ETV6: variants seen among roughly 807,000 people sequenced by gnomAD.
ETV6 encodes the protein ETS variant transcription factor 6.
In ETV6, 16 loss-of-function variants were observed where a neutral mutation model predicts 51.1. That is an observed-to-expected ratio of 0.31 (90% CI 0.21 to 0.48). The LOEUF (loss-of-function observed/expected upper bound fraction) is 0.48. ETV6 is among the 20% of genes least tolerant of loss of function. The pLI is 0.99. For missense variants in ETV6, 458 were observed against 594.8 expected (o/e 0.77, Z 2.39); for synonymous variants, 240 against 224.1 (o/e 1.07, Z -0.64).
intron 4 of ETV6, among the ~76,000 whole-genome samples, chr12:11,860,358 G>A (rs2855707): frequency 0.4 from 60,104 of 151,874 alleles, 14,226 homozygotes; most frequent in South Asian, 0.59. Flanking sequence ...AGAGCATGCC[G>A]GCACGTATAT....
At chr12:11,769,518 A>T (rs766892498) in intron 2 of ETV6, among the ~76,000 whole-genome samples, 15 of 152,174 alleles carry the variant, frequency 9.9e-5, no homozygotes, top group Non-Finnish European at 1.6e-4. Flanking sequence ...CACGTGTAGC[A>T]AAATACTATG....
chr12:11,680,548 A>AT (rs1352904686), intron 1 of ETV6, among the ~76,000 whole-genome samples: 2 of 152,168 alleles, frequency 1.3e-5, no homozygotes, highest in African/African-American at 4.8e-5. Context: ...TAATACACTG[A>AT]TTTTCTTACA....
At chr12:11,655,510 T>A (rs1246166174) in intron 1 of ETV6, among the ~76,000 whole-genome samples, 3 of 152,304 alleles carry the variant, frequency 2.0e-5, no homozygotes, top group Admixed American at 6.5e-5. Flanking sequence ...TTTTATTGAT[T>A]TTCCAAACAT....
rs10845416 is a variant in ETV6, at chr12:11,884,244, G to A, written c.1010-201G>A. 0.19 allele frequency among the ~76,000 whole-genome samples: 28,495 copies of A among 152,052 alleles called. 3,408 individuals are homozygous for A. Among genetic ancestry groups the A allele is most frequent in the African/African-American group, 0.32 (13,406 of 41,414 alleles). ...CGCCTGGATCATCTCTGAGGCCTCC[G>A]GTGGGTCAAAGGTCACACAACAGGA... On this transcript the variant is annotated intron_variant, in intron 5 of 7. Coordinates refer to ENST00000396373, the MANE Select transcript of ETV6 (RefSeq NM_001987.5).
intron 5 of ETV6, among the ~76,000 whole-genome samples, chr12:11,880,676 G>A (rs1316726277): frequency 6.6e-6 from 1 of 152,226 alleles, no homozygotes; most frequent in East Asian, 1.9e-4. Context: ...AGTGCCTTCC[G>A]CCTAGAGTCA....
intron 1 of ETV6, among the ~76,000 whole-genome samples, chr12:11,660,096 A>G (rs1006490198): frequency 2.6e-5 from 4 of 152,236 alleles, no homozygotes; most frequent in Admixed American, 2.6e-4. Context: ...GTTTGAGGCA[A>G]TAGATATGCC....
chr12:11,653,036 C>T (rs911407688), intron 1 of ETV6, among the ~76,000 whole-genome samples: 2 of 152,002 alleles, frequency 1.3e-5, no homozygotes, highest in Admixed American at 6.5e-5. Context: ...CAGGAGTGCT[C>T]GAGCACTCCT....
intron 1 of ETV6, among the ~76,000 whole-genome samples, chr12:11,722,654 G>T (rs1865411090): frequency 6.6e-6 from 1 of 152,150 alleles, no homozygotes; most frequent in East Asian, 1.9e-4. Context: ...CTCCTAAAAT[G>T]AAGAGAATTG....
intron 3 of ETV6, among the ~76,000 whole-genome samples, chr12:11,851,239 T>C (rs1946548905): frequency 6.6e-6 from 1 of 152,008 alleles, no homozygotes; most frequent in Non-Finnish European, 1.5e-5. Flanking sequence ...CTGGACCTTT[T>C]TTTTTTTAGT....
At chr12:11,812,586 C>G (rs1945929382) in intron 2 of ETV6, among the ~76,000 whole-genome samples, 1 of 152,168 alleles carries the variant, frequency 6.6e-6, no homozygotes, top group African/African-American at 2.4e-5. Flanking sequence ...CTGAGACTGG[C>G]TGCCATCAGA....
At position 11,725,031 on chromosome 12, in the gene ETV6, T is replaced by TA. The variant is rs569165140; in HGVS notation, c.34-27418dup. 1.4e-4 allele frequency among the ~76,000 whole-genome samples: 22 copies of TA among 152,298 alleles called. No homozygotes were observed. In the East Asian group the frequency reaches 3.9e-3, roughly 27 times the overall value. The stretch of plus-strand genomic sequence containing the variant: ...ATGACTGTTTCTTTTATCGTGAACT[T>TA]ACGGCCACCCCACTTCCCTGCCCAC... On this transcript the variant is annotated intron_variant, in intron 1 of 7. Coordinates refer to ENST00000396373, the MANE Select transcript of ETV6 (RefSeq NM_001987.5).
intron 2 of ETV6, among the ~76,000 whole-genome samples, chr12:11,810,824 G>A: frequency 6.6e-6 from 1 of 152,142 alleles, no homozygotes; most frequent in Non-Finnish European, 1.5e-5. Flanking sequence ...GATGATCCAG[G>A]TCACCTATTC....
Position 11,869,894 on chromosome 12 carries a change from C to A in ETV6, c.934C>A (p.Leu312Met). Residue 312 changes from leucine (L) to methionine (M), a missense_variant, in exon 5 of 8, where the codon CTG becomes ATG. Coordinates refer to ENST00000396373, the MANE Select transcript of ETV6 (RefSeq NM_001987.5). This position sits in a 1 kb window ranked among gnomAD's most constrained non-coding sequence, Gnocchi z 5.0. ...CATCAACCTCTCTCATCGGGAAGACCTGGCTTACATGAACCACATCATGGT... is the reference window on the plus strand; with the variant it reads ...CATCAACCTCTCTCATCGGGAAGACATGGCTTACATGAACCACATCATGGT... The part of the protein sequence containing the change: ...KPINLSHRED[L>M]AYMNHIMVSV... 6.2e-7 allele frequency: 1 copy of A among 1,612,712 alleles called. No homozygotes were observed. Among genetic ancestry groups the A allele is most frequent in the Non-Finnish European group, 8.5e-7 (1 of 1,180,034 alleles).
intron 2 of ETV6, among the ~76,000 whole-genome samples, chr12:11,770,841 A>C (rs2136351868): frequency 6.6e-6 from 1 of 152,240 alleles, no homozygotes; most frequent in Admixed American, 6.5e-5. Context: ...TCAAGGCTGC[A>C]GTGAGCCATG....
At chr12:11,768,931 G>C (rs763574407) in intron 2 of ETV6, 1 of 486,810 alleles carries the variant, frequency 2.1e-6, no homozygotes, top group Non-Finnish European at 4.1e-6. Flanking sequence ...GACTGCTTGG[G>C]CTTGTTCTGA....
intron 4 of ETV6, among the ~76,000 whole-genome samples, chr12:11,863,341 T>C (rs780993458): frequency 1.3e-4 from 20 of 152,196 alleles, no homozygotes; most frequent in Admixed American, 5.9e-4. Flanking sequence ...TGGTTTATTT[T>C]AGGCCGTTTG....
intron 4 of ETV6, among the ~76,000 whole-genome samples, chr12:11,861,486 C>G (rs1272651877): frequency 1.3e-5 from 2 of 151,758 alleles, no homozygotes; most frequent in Non-Finnish European, 2.9e-5. Flanking sequence ...CTGTCTGGGC[C>G]CTCGGCCTAT....
At chr12:11,877,964 G>A (rs1236104595) in intron 5 of ETV6, among the ~76,000 whole-genome samples, 1 of 152,216 alleles carries the variant, frequency 6.6e-6, no homozygotes, top group African/African-American at 2.4e-5. Context: ...TGGGAGCTGT[G>A]GGTACAGCCA....
intron 1 of ETV6, among the ~76,000 whole-genome samples, chr12:11,746,022 C>A (rs1002505329): frequency 6.6e-6 from 1 of 152,190 alleles, no homozygotes; most frequent in African/African-American, 2.4e-5. Context: ...GAGTCCCCTT[C>A]CGTCAGCTGA....
Sources: allele counts gnomAD v4.1 joint callset (sites outside exome capture counted in the v4.1 genomes callset), GRCh38; gene constraint gnomAD v4.1.1; non-coding constraint Gnocchi (gnomAD v3.1); transcripts MANE v1.5; gene names NCBI Gene and HGNC (gene_info 2026-07-23, HGNC 2026-07-21).